SCMH1: variants seen among roughly 807,000 people sequenced by gnomAD.
The protein encoded by SCMH1 is Scm polycomb group protein homolog 1.
Under a neutral mutation model 70.8 loss-of-function variants are expected in SCMH1, and 37 were observed. The observed-to-expected ratio is 0.52, with a 90% CI of 0.40 to 0.69. The LOEUF (loss-of-function observed/expected upper bound fraction) is 0.69. SCMH1 is among the 30% of genes least tolerant of loss of function. The probability of loss-of-function intolerance (pLI) is 0.00; values close to 1 mark genes in which losing one functional copy is unlikely to be tolerated. For missense variants in SCMH1, 607 were observed against 827.3 expected, an observed-to-expected ratio of 0.73 and a Z score of 3.27; for synonymous variants, 292 against 307.4, an observed-to-expected ratio of 0.95 and a Z score of 0.52.
At chr1:41,126,602 C>T (rs2148016739) in intron 6 of SCMH1, among the ~76,000 whole-genome samples, 1 of 152,102 alleles carries the variant, frequency 6.6e-6, no homozygotes, top group East Asian at 1.9e-4. Context: ...TATATGTGTG[C>T]ATATGTGTAT....
chr1:41,227,915 T>C (rs1310515582), intron 1 of SCMH1, among the ~76,000 whole-genome samples: 1 of 151,924 alleles, frequency 6.6e-6, no homozygotes, highest in Non-Finnish European at 1.5e-5. Flanking sequence ...GAGGTGGAGG[T>C]TGCAGTGAGC....
At chr1:41,057,825 T>C (rs1423648751) in intron 10 of SCMH1, among the ~76,000 whole-genome samples, 1 of 151,482 alleles carries the variant, frequency 6.6e-6, no homozygotes, top group Non-Finnish European at 1.5e-5. Flanking sequence ...TCAAAAATAG[T>C]GTAACAGAAA....
intron 1 of SCMH1, among the ~76,000 whole-genome samples, chr1:41,218,320 A>G (rs531295523): frequency 6.6e-6 from 1 of 152,300 alleles, no homozygotes; most frequent in Non-Finnish European, 1.5e-5. Flanking sequence ...GGGTCTTTGC[A>G]GATATAAACA....
At chr1:41,140,908 AT>A (rs1247580632) in intron 6 of SCMH1, among the ~76,000 whole-genome samples, 3 of 152,238 alleles carry the variant, frequency 2.0e-5, no homozygotes, top group African/African-American at 7.2e-5. Flanking sequence ...TCAAGCATCA[AT>A]AAGGTCAATT....
At chr1:41,192,535 C>A (rs1251187096) in intron 1 of SCMH1, among the ~76,000 whole-genome samples, 1 of 151,506 alleles carries the variant, frequency 6.6e-6, no homozygotes, top group African/African-American at 2.4e-5. Flanking sequence ...CCACTTAGAA[C>A]AGTACCTGGC....
intron 8 of SCMH1, among the ~76,000 whole-genome samples, chr1:41,089,916 C>T (rs1055581843): frequency 6.6e-6 from 1 of 150,752 alleles, no homozygotes; most frequent in Non-Finnish European, 1.5e-5. Flanking sequence ...CTCAGCCTCT[C>T]GAGTAGCTGG....
intron 5 of SCMH1, among the ~76,000 whole-genome samples, chr1:41,148,595 T>C (rs903705187): frequency 6.6e-6 from 1 of 152,216 alleles, no homozygotes; most frequent in African/African-American, 2.4e-5. Context: ...CTTGCTTATA[T>C]TGTTTCTGAC....
At chr1:41,159,913 C>A (rs1645876611) in intron 4 of SCMH1, 1 of 950,030 alleles carries the variant, frequency 1.1e-6, no homozygotes, top group Admixed American at 4.1e-5. Flanking sequence ...TCCATTAGCT[C>A]ATGTAATCTT....
chr1:41,208,772 A>C (rs1169388990), intron 1 of SCMH1, among the ~76,000 whole-genome samples: 1 of 152,228 alleles, frequency 6.6e-6, no homozygotes, highest in Non-Finnish European at 1.5e-5. Flanking sequence ...CACAAGAGAA[A>C]GCAGGAATGA....
chr1:41,114,154 T>C, intron 7 of SCMH1, among the ~76,000 whole-genome samples: 1 of 152,206 alleles, frequency 6.6e-6, no homozygotes, highest in South Asian at 2.1e-4. Flanking sequence ...AAGGTTTCTT[T>C]AGGTTATACA....
chr1:41,183,633 C>A (rs1649407454), intron 2 of SCMH1, among the ~76,000 whole-genome samples: 1 of 151,990 alleles, frequency 6.6e-6, no homozygotes, highest in Non-Finnish European at 1.5e-5. Context: ...TAGAGTTTGG[C>A]ACACAGCAAG....
intron 4 of SCMH1, 40 bp downstream of exon 4, chr1:41,160,835 A>T (rs1398139405): frequency 2.0e-6 from 3 of 1,535,132 alleles, no homozygotes; most frequent in Admixed American, 3.9e-5. Context: ...TGGTTTACCA[A>T]TTCCCCTTAT....
intron 6 of SCMH1, among the ~76,000 whole-genome samples, chr1:41,139,118 G>A (rs1269575034): frequency 6.6e-6 from 1 of 152,158 alleles, no homozygotes; most frequent in East Asian, 1.9e-4. Context: ...TTCCACAGAG[G>A]AAGTTTTCTC....
At chr1:41,080,446 T>C (rs1659652343) in intron 8 of SCMH1, among the ~76,000 whole-genome samples, 2 of 152,052 alleles carry the variant, frequency 1.3e-5, no homozygotes, top group African/African-American at 2.4e-5. Flanking sequence ...TATAGACTAA[T>C]ATCCCTCATG....
rs186693350 is a variant in SCMH1 at position 41,163,115 on chromosome 1, G to A, written c.14-1683C>T. The A allele has an allele frequency of 5.3e-5, 8 of 152,338 alleles. No homozygotes were observed. The South Asian group carries it at 8.3e-4, about 16-fold the overall frequency. 9.4% of individuals were successfully genotyped at this position (152,338 alleles called of 1,614,324 possible). ...GTCAGGGCTGTGACTCCCTCTTTCC[G>A]GCCCTGTGGTTCCTCCAAGCTTTTG... On this transcript the variant is annotated intron_variant, in intron 2 of 14. Coordinates refer to ENST00000337495, the Ensembl canonical transcript of SCMH1.
intron 5 of SCMH1, among the ~76,000 whole-genome samples, chr1:41,150,936 C>CAAAAAAAAAAAAAAAAAAAAAAAAA (rs71062579): frequency 1.3e-5 from 1 of 76,524 alleles, no homozygotes; most frequent in Non-Finnish European, 2.5e-5. Context: ...GACACCATCT[C>CAAAAAAAAAAAAAAAAAAAAAAAAA]AAAAAAAAAA....
At position 41,146,286 on chromosome 1, in the gene SCMH1, TAA is replaced by T. The variant is rs551808160; in HGVS notation, c.178-3176_178-3175del. ...ATGTGTTTCAAGCTAAGTATTATTA[TAA>T]GAGTCAAAAAAGTTAAAAAATTAAG... On this transcript the variant is annotated intron_variant, in intron 5 of 14. Coordinates refer to ENST00000337495, the Ensembl canonical transcript of SCMH1. Among the ~76,000 whole-genome samples the T allele has an allele frequency of 2.6e-3, 399 of 152,276 alleles. 2 individuals carry two copies. The highest frequency in any genetic ancestry group is 8.7e-3 in the African/African-American group (361 of 41,578).
chr1:41,176,313 C>A (rs1324365923), intron 2 of SCMH1, among the ~76,000 whole-genome samples: 1 of 152,102 alleles, frequency 6.6e-6, no homozygotes, highest in Non-Finnish European at 1.5e-5. Flanking sequence ...GTCTACAGCT[C>A]CCAGCATGAG....
chr1:41,239,140 A>C (rs1462206298), intron 1 of SCMH1, among the ~76,000 whole-genome samples: 1 of 152,138 alleles, frequency 6.6e-6, no homozygotes, highest in African/African-American at 2.4e-5. Flanking sequence ...TACTGAATTG[A>C]TTTTAGGATA....
Sources: gnomAD v4.1 joint callset for allele counts (sites outside exome capture counted in the v4.1 genomes callset) on GRCh38, gnomAD v4.1.1 for gene constraint, MANE v1.5 for transcripts, NCBI Gene and HGNC (gene_info 2026-07-23, HGNC 2026-07-21) for gene names.